POLR2F: variants seen among roughly 807,000 people sequenced by gnomAD.
The protein encoded by POLR2F is RNA polymerase II, I and III subunit F.
Under a neutral mutation model 22.7 loss-of-function variants are expected in POLR2F, and 12 were observed. The observed-to-expected ratio is 0.53, with a 90% CI of 0.34 to 0.86. The LOEUF (loss-of-function observed/expected upper bound fraction) is 0.86. Among genes scored for constraint, POLR2F ranks in the 40% least tolerant of loss-of-function variants. The pLI, the probability that POLR2F is intolerant of heterozygous loss-of-function variation, is 0.02. For missense variants in POLR2F, 126 were observed against 171.5 expected (o/e 0.73, Z 1.48); for synonymous variants, 57 against 66.0 (o/e 0.86, Z 0.66).
intron 1 of POLR2F, among the ~76,000 whole-genome samples, chr22:38,009,759 A>C (rs1054053924): frequency 6.6e-6 from 1 of 152,184 alleles, no homozygotes; most frequent in African/African-American, 2.4e-5. Context: ...AAATGGAATC[A>C]TACAGAAGGT....
intron 1 of POLR2F, among the ~76,000 whole-genome samples, chr22:38,006,051 C>T (rs1469384992): frequency 6.6e-6 from 1 of 151,882 alleles, no homozygotes; most frequent in Non-Finnish European, 1.5e-5. Context: ...AGTGAGACAC[C>T]ATCTCTATTG....
downstream of POLR2F, chr22:37,971,389 A>T: frequency 2.2e-6 from 1 of 452,280 alleles, no homozygotes; most frequent in Non-Finnish European, 4.6e-6. Flanking sequence ...TGGCAGCTGG[A>T]TATAAGCTGT....
At chr22:37,976,111 T>A (rs1454192346) in intron 4 of POLR2F, among the ~76,000 whole-genome samples, 2 of 152,074 alleles carry the variant, frequency 1.3e-5, no homozygotes, top group African/African-American at 4.8e-5. Flanking sequence ...TAATCCCAGC[T>A]ACTTAGGAGG....
downstream of POLR2F, chr22:37,972,555 C>T (rs980160029): frequency 4.1e-6 from 1 of 242,268 alleles, no homozygotes; most frequent in Non-Finnish European, 8.3e-6. Context: ...CTAGTGTCTT[C>T]AGCCTGCCGA....
chr22:37,967,573 C>A, intron 4 of POLR2F, 52 bp from the exon 5 acceptor site: 1 of 1,601,356 alleles, frequency 6.2e-7, no homozygotes, highest in Non-Finnish European at 8.5e-7. Context: ...CCTTCTGCGG[C>A]AGAGCTGGGG....
downstream of POLR2F, chr22:37,973,486 G>T: frequency 6.4e-7 from 1 of 1,555,608 alleles, no homozygotes; most frequent in Non-Finnish European, 8.7e-7. Context: ...GGTGGCGACA[G>T]GGCCCCCTTT....
At chr22:38,027,573 T>C (rs2085025593), downstream of POLR2F, among the ~76,000 whole-genome samples, 2 of 152,168 alleles carry the variant, frequency 1.3e-5, no homozygotes, top group Admixed American at 1.3e-4. Context: ...TCTGGCCTCA[T>C]GTGGGGCCTG....
At chr22:38,007,018 G>T (rs148501353) in intron 1 of POLR2F, among the ~76,000 whole-genome samples, 2 of 152,186 alleles carry the variant, frequency 1.3e-5, no homozygotes, top group Non-Finnish European at 2.9e-5. Flanking sequence ...AAATTTACTG[G>T]TATGGGTACT....
At chr22:37,979,178 A>G (rs1391892969) in intron 4 of POLR2F, among the ~76,000 whole-genome samples, 2 of 151,926 alleles carry the variant, frequency 1.3e-5, no homozygotes, top group African/African-American at 4.8e-5. Flanking sequence ...GCTCACTGCA[A>G]TCTCGGCTTC....
Position 37,956,993 on chromosome 22 carries a change from G to A in POLR2F, c.90+151G>A. On this transcript the variant is annotated intron_variant, in intron 2 of 4. Transcript: ENST00000442738. ...TTAGAGTGAGCTGTGTTCCAGTCTT[G>A]CATAGCAGAACAGCCCTGCAGGGTG... 3 of 707,026 alleles carry A rather than the reference G, an allele frequency of 4.2e-6. No individual in the cohort carries two copies. In the South Asian group the frequency reaches 4.6e-5, roughly 11 times the overall value. The allele number at this position is 707,026 out of a possible 1,614,324, so 43.8% of individuals were successfully genotyped here.
Position 37,986,501 on chromosome 22 carries a change from T to G in POLR2F, c.120+189T>G. The G allele has an allele frequency of 7.5e-7, 1 of 1,328,094 alleles. No individual in the cohort carries two copies. Among genetic ancestry groups the G allele is most frequent in the Non-Finnish European group, 1.0e-6 (1 of 957,946 alleles). The allele number at this position is 1,328,094 out of a possible 1,614,324, so 82.3% of individuals were successfully genotyped here. ...AGCTGCCCCCTCTCTAACTCCCTGCTTCCTCCTTTGCCCTCCTTGGTCCAG... is the reference window on the plus strand; with the variant it reads ...AGCTGCCCCCTCTCTAACTCCCTGCGTCCTCCTTTGCCCTCCTTGGTCCAG... On this transcript the variant is annotated intron_variant, in intron 1 of 2. Transcript: ENST00000333418. This position sits in a 1 kb window ranked among gnomAD's most constrained non-coding sequence, Gnocchi z 4.7.
At chr22:38,026,924 T>A (rs935140670), downstream of POLR2F, among the ~76,000 whole-genome samples, 46 of 150,916 alleles carry the variant, frequency 3.0e-4, no homozygotes, top group African/African-American at 1.1e-3. Flanking sequence ...TTGCCCCAGC[T>A]CCCCCTCCCA....
intron 1 of POLR2F, among the ~76,000 whole-genome samples, chr22:37,956,533 C>T (rs1369573717): frequency 6.6e-6 from 1 of 151,910 alleles, no homozygotes; most frequent in African/African-American, 2.4e-5. Flanking sequence ...TCTTGTGACT[C>T]AGCCCCCCAA....
chr22:37,983,862 C>T (rs1932488711), upstream of POLR2F: 1 of 1,247,772 alleles, frequency 8.0e-7, no homozygotes, highest in Non-Finnish European at 1.0e-6. This position sits in a 1 kb window ranked among gnomAD's most constrained non-coding sequence, Gnocchi z 9.5. Flanking sequence ...AAGAGTCCAA[C>T]GCCCACCTGG....
At chr22:37,962,551 A>G (rs1377671851) in intron 3 of POLR2F, among the ~76,000 whole-genome samples, 1 of 152,188 alleles carries the variant, frequency 6.6e-6, no homozygotes, top group Non-Finnish European at 1.5e-5. Context: ...TATGCCACCA[A>G]CGTCAGGATC....
chr22:37,985,601 G>A (rs979909069), upstream of POLR2F, among the ~76,000 whole-genome samples: 3 of 152,274 alleles, frequency 2.0e-5, no homozygotes, highest in Admixed American at 2.0e-4. Flanking sequence ...AGCTGGGGTC[G>A]CATTGGCAAC....
intron 1 of POLR2F, among the ~76,000 whole-genome samples, chr22:38,009,540 G>A (rs1396341977): frequency 2.6e-5 from 4 of 152,248 alleles, no homozygotes; most frequent in South Asian, 4.1e-4. Context: ...ACAATAAACT[G>A]CACATATTGA....
chr22:38,010,602 G>GT (rs1159353447), intron 1 of POLR2F, among the ~76,000 whole-genome samples: 872 of 60,818 alleles, frequency 0.014, 151 homozygotes, highest in African/African-American at 0.031. Flanking sequence ...AATTCCTTGT[G>GT]TTTTTTTTTT....
intron 1 of POLR2F, among the ~76,000 whole-genome samples, chr22:38,024,413 CTGTT>C (rs2084988619): frequency 6.6e-6 from 1 of 152,174 alleles, no homozygotes; most frequent in South Asian, 2.1e-4. Context: ...GTCACATTAT[CTGTT>C]TGAGTCCCTG....
Sources: gnomAD v4.1 joint callset for allele counts (sites outside exome capture counted in the v4.1 genomes callset) on GRCh38, gnomAD v4.1.1 for gene constraint, Gnocchi (gnomAD v3.1) non-coding constraint, MANE v1.5 for transcripts, NCBI Gene and HGNC (gene_info 2026-07-23, HGNC 2026-07-21) for gene names.